Variants in DNAH3 observed in about 807,000 individuals in gnomAD.
The protein encoded by DNAH3 is axonemal beta dynein heavy chain 3.
In DNAH3, 332 loss-of-function variants were observed where a neutral mutation model predicts 432.5. That is an observed-to-expected ratio of 0.77 (90% CI 0.70 to 0.84). The LOEUF (loss-of-function observed/expected upper bound fraction) is 0.84. DNAH3 is among the 40% of genes least tolerant of loss of function. The probability of loss-of-function intolerance (pLI) is 0.00; values close to 1 mark genes in which losing one functional copy is unlikely to be tolerated. For synonymous variants in DNAH3, 1,956 were observed against 1,900.2 expected (o/e 1.03, Z -0.76); for missense variants, 4,861 against 5,114.0 (o/e 0.95, Z 1.51).
exon 6 of DNAH3, chr16:21,136,329 C>T: frequency 1.9e-6 from 3 of 1,613,810 alleles, no homozygotes; most frequent in Non-Finnish European, 2.5e-6. Context: ...CTTACCGATG[C>T]TTTTCATGAG....
At chr16:21,004,848 T>C (rs1274811045) in intron 41 of DNAH3, among the ~76,000 whole-genome samples, 5 of 152,220 alleles carry the variant, frequency 3.3e-5, no homozygotes, top group Admixed American at 6.5e-5. Flanking sequence ...ACCAATTTCA[T>C]TGATTCCTTT....
At chr16:20,959,085 AG>A in intron 54 of DNAH3, 93 bp downstream of exon 54, 1 of 1,325,306 alleles carries the variant, frequency 7.5e-7, no homozygotes, top group Non-Finnish European at 1.1e-6. Flanking sequence ...AAAGTTTCTA[AG>A]GGGCAGGACT....
At chr16:21,046,120 G>A (rs1459556260) in intron 31 of DNAH3, among the ~76,000 whole-genome samples, 1 of 145,224 alleles carries the variant, frequency 6.9e-6, no homozygotes, top group Non-Finnish European at 1.5e-5. Context: ...TGGAATAGGT[G>A]TGGTGTGGTG....
chr16:21,107,749 A>G (rs1019093732), intron 14 of DNAH3, among the ~76,000 whole-genome samples: 1 of 152,212 alleles, frequency 6.6e-6, no homozygotes, highest in Non-Finnish European at 1.5e-5. Context: ...TTGGCATCTT[A>G]ACTACAATTA....
At chr16:21,158,031 A>G (rs2092911413) in intron 1 of DNAH3, among the ~76,000 whole-genome samples, 1 of 152,202 alleles carries the variant, frequency 6.6e-6, no homozygotes, top group Admixed American at 6.5e-5. Context: ...TCAATAGCAT[A>G]CTATTCAGAA....
chr16:20,948,918 C>T (rs538929837), intron 56 of DNAH3, among the ~76,000 whole-genome samples: 1 of 152,230 alleles, frequency 6.6e-6, no homozygotes, highest in East Asian at 1.9e-4. Context: ...CTGCCCCACC[C>T]CCACAACCCA....
intron 5 of DNAH3, chr16:21,140,192 C>A: frequency 5.4e-6 from 1 of 183,720 alleles, no homozygotes; most frequent in East Asian, 1.4e-4. Flanking sequence ...TTATTCATTA[C>A]CTAAAATTTG....
intron 57 of DNAH3, among the ~76,000 whole-genome samples, chr16:20,946,678 C>T (rs2084058047): frequency 1.3e-5 from 2 of 152,094 alleles, no homozygotes; most frequent in African/African-American, 2.4e-5. Context: ...GCCCTTGTTA[C>T]AGTCACCTGT....
At chr16:21,007,642 T>A (rs564119739) in intron 41 of DNAH3, among the ~76,000 whole-genome samples, 1 of 152,336 alleles carries the variant, frequency 6.6e-6, no homozygotes, top group South Asian at 2.1e-4. Flanking sequence ...TGTAATAAAT[T>A]TCACCCATTC....
At chr16:21,019,514 G>A in intron 41 of DNAH3, 110 bp downstream of exon 41, 1 of 1,219,994 alleles carries the variant, frequency 8.2e-7, no homozygotes. Context: ...CACCGTGCCT[G>A]GCCTTCTGTG....
At chr16:20,944,400 C>G in intron 58 of DNAH3, 96 bp downstream of exon 58, 1 of 1,454,246 alleles carries the variant, frequency 6.9e-7, no homozygotes, top group Non-Finnish European at 9.5e-7. Context: ...CAGGCCCCCA[C>G]TCTCTGCCTC....
intron 52 of DNAH3, among the ~76,000 whole-genome samples, chr16:20,966,465 C>T (rs2085068871): frequency 6.6e-6 from 1 of 152,116 alleles, no homozygotes; most frequent in African/African-American, 2.4e-5. Context: ...AGAGAGGCCC[C>T]CCTCCCCGCT....
chr16:20,937,736 G>C (rs895147911), intron 59 of DNAH3, among the ~76,000 whole-genome samples: 5 of 151,570 alleles, frequency 3.3e-5, no homozygotes, highest in African/African-American at 1.2e-4. Flanking sequence ...ATGTTGCCCA[G>C]GCTGGTCTCA....
intron 41 of DNAH3, among the ~76,000 whole-genome samples, chr16:21,007,905 T>A (rs2087396016): frequency 6.6e-6 from 1 of 152,214 alleles, no homozygotes; most frequent in Non-Finnish European, 1.5e-5. Context: ...ACAAATTCAC[T>A]CTTTTACATG....
At chr16:21,100,730 G>C (rs548139343) in intron 16 of DNAH3, among the ~76,000 whole-genome samples, 1 of 152,318 alleles carries the variant, frequency 6.6e-6, no homozygotes, top group East Asian at 1.9e-4. Flanking sequence ...TGGATGAAAT[G>C]ATGGGGGAGA....
At chr16:21,122,689 C>T (rs375625439) in intron 9 of DNAH3, among the ~76,000 whole-genome samples, 2 of 152,178 alleles carry the variant, frequency 1.3e-5, no homozygotes, top group East Asian at 3.8e-4. Flanking sequence ...TATCTAGATC[C>T]TTCCCATCCT....
At chr16:20,983,506 C>T (rs1404294827) in intron 48 of DNAH3, among the ~76,000 whole-genome samples, 3 of 152,112 alleles carry the variant, frequency 2.0e-5, no homozygotes, top group Non-Finnish European at 2.9e-5. Context: ...GTGGCTGGAG[C>T]CCTTTGATTG....
chr16:20,989,147 C>T (rs2152678034), intron 44 of DNAH3, among the ~76,000 whole-genome samples: 1 of 152,316 alleles, frequency 6.6e-6, no homozygotes, highest in Middle Eastern at 3.4e-3. Context: ...CTTTTATTCT[C>T]TTATCTGGCC....
intron 51 of DNAH3, among the ~76,000 whole-genome samples, chr16:20,974,128 T>TCC (rs1210015872): frequency 2.6e-5 from 4 of 151,988 alleles, no homozygotes; most frequent in Non-Finnish European, 5.9e-5. Flanking sequence ...CTCAGGACCC[T>TCC]CCCACCTCAG....
Sources: allele counts gnomAD v4.1 joint callset (sites outside exome capture counted in the v4.1 genomes callset), GRCh38; gene constraint gnomAD v4.1.1; transcripts MANE v1.5; gene names NCBI Gene and HGNC (gene_info 2026-07-23, HGNC 2026-07-21).